The following ARHGAP32 variants were observed in gnomAD, a reference collection of about 807,000 sequenced individuals.
The protein encoded by ARHGAP32 is rho GTPase-activating protein 32.
In ARHGAP32, 51 loss-of-function variants were observed where a neutral mutation model predicts 186.5. That is an observed-to-expected ratio of 0.27 (90% confidence interval 0.22 to 0.35). The LOEUF (loss-of-function observed/expected upper bound fraction) is 0.35. ARHGAP32 is among the 10% of genes least tolerant of loss of function. ARHGAP32 has a pLI of 1.00. For missense variants in ARHGAP32, 2,186 were observed against 2,623.5 expected (o/e 0.83, Z 3.64); for synonymous variants, 950 against 964.3 (o/e 0.99, Z 0.27).
chr11:128,977,216 G>GT (rs1339603858), intron 19 of ARHGAP32, among the ~76,000 whole-genome samples: 1 of 152,140 alleles, frequency 6.6e-6, no homozygotes, highest in Non-Finnish European at 1.5e-5. Context: ...AAATTCTGTT[G>GT]TTTTTTACCA....
At chr11:129,236,612 ACT>A (rs1269495403) in intron 1 of ARHGAP32, among the ~76,000 whole-genome samples, 1 of 151,910 alleles carries the variant, frequency 6.6e-6, no homozygotes, top group Non-Finnish European at 1.5e-5. Context: ...GCATCCTGAA[ACT>A]CTGCTGAATT....
intron 5 of ARHGAP32, among the ~76,000 whole-genome samples, chr11:129,110,106 G>T (rs1159357055): frequency 6.6e-6 from 1 of 152,044 alleles, no homozygotes; most frequent in East Asian, 1.9e-4. Flanking sequence ...TCCATCTTGG[G>T]TTGATTGTTT....
intron 6 of ARHGAP32, among the ~76,000 whole-genome samples, chr11:129,067,843 A>G (rs1940745864): frequency 6.6e-6 from 1 of 152,030 alleles, no homozygotes; most frequent in African/African-American, 2.4e-5. Flanking sequence ...GAGGGTGCTG[A>G]TTTCTAATCA....
chr11:129,166,357 T>G lies in ARHGAP32; in HGVS notation c.117-1930A>C, dbSNP rs1943641328. Among the ~76,000 whole-genome samples, 5 of 152,076 alleles carry G rather than the reference T, an allele frequency of 3.3e-5. No individual in the cohort carries two copies. In the South Asian group the frequency reaches 1.0e-3, roughly 32 times the overall value. ...GACAAAAGCAATATTTGAAAACAAA[T>G]GCTAAAAGTTTTCAAAACTGATGAA... On this transcript the variant is annotated intron_variant, in intron 1 of 22. Transcript: ENST00000682385.
chr11:129,277,387 A>G (rs1297416526), intron 1 of ARHGAP32, among the ~76,000 whole-genome samples: 1 of 152,336 alleles, frequency 6.6e-6, no homozygotes, highest in East Asian at 1.9e-4. Context: ...GCTCTAAAGA[A>G]GACAGTTGAG....
chr11:129,206,472 T>C (rs1428778626), intron 1 of ARHGAP32, among the ~76,000 whole-genome samples: 1 of 152,170 alleles, frequency 6.6e-6, no homozygotes, highest in East Asian at 1.9e-4. Context: ...CTGGGTCTCC[T>C]AATCTGCTAG....
At chr11:129,173,715 A>C (rs1009729818) in intron 1 of ARHGAP32, among the ~76,000 whole-genome samples, 1 of 152,212 alleles carries the variant, frequency 6.6e-6, no homozygotes, top group Non-Finnish European at 1.5e-5. Context: ...AATAGGTGAA[A>C]TTTAATACCT....
At chr11:128,980,498 T>C in intron 18 of ARHGAP32, 55 bp downstream of exon 18, 3 of 1,376,672 alleles carry the variant, frequency 2.2e-6, no homozygotes, top group East Asian at 2.3e-5. Flanking sequence ...TAAAAGAAAA[T>C]AATAGGACAT....
intron 1 of ARHGAP32, among the ~76,000 whole-genome samples, chr11:129,209,405 G>C (rs1944552418): frequency 6.6e-6 from 1 of 151,588 alleles, no homozygotes. Flanking sequence ...AAGAAAAAAA[G>C]TAGGATTCTA....
At chr11:129,095,084 T>C (rs1941693957) in intron 5 of ARHGAP32, among the ~76,000 whole-genome samples, 1 of 152,204 alleles carries the variant, frequency 6.6e-6, no homozygotes, top group Admixed American at 6.5e-5. Flanking sequence ...AAGTACAAGT[T>C]GTTCACAAGA....
chr11:128,978,199 A>G (rs1352862319), intron 19 of ARHGAP32, among the ~76,000 whole-genome samples: 1 of 152,200 alleles, frequency 6.6e-6, no homozygotes, highest in African/African-American at 2.4e-5. Flanking sequence ...AATGAATTGA[A>G]CATTATACTT....
upstream of ARHGAP32, among the ~76,000 whole-genome samples, chr11:129,193,633 A>ATGTTATATAATAT (rs1491318466): frequency 1.6e-5 from 1 of 63,316 alleles, no homozygotes; most frequent in East Asian, 4.1e-4. Flanking sequence ...TAATATATAT[A>ATGTTATATAATAT]ATATATGTTA....
chr11:129,126,117 C>A, intron 2 of ARHGAP32: 6 of 244,150 alleles, frequency 2.5e-5, no homozygotes, highest in South Asian at 4.4e-5. Context: ...AATTTTAAGA[C>A]TAAAATAAAA....
chr11:129,000,209 C>G (rs1946317497), intron 11 of ARHGAP32, among the ~76,000 whole-genome samples: 1 of 151,848 alleles, frequency 6.6e-6, no homozygotes, highest in Admixed American at 6.6e-5. Context: ...CTTTATAGAT[C>G]AAGGAAAAAG....
At chr11:128,998,134 A>T (rs868136406) in intron 12 of ARHGAP32, among the ~76,000 whole-genome samples, 185 bp downstream of exon 12, 4 of 152,212 alleles carry the variant, frequency 2.6e-5, no homozygotes, top group Admixed American at 2.0e-4. Context: ...CTAATGCCAA[A>T]GTGCATTCTT....
chr11:129,150,801 A>C (rs778573113), intron 2 of ARHGAP32, among the ~76,000 whole-genome samples: 48 of 152,196 alleles, frequency 3.2e-4, no homozygotes, highest in Admixed American at 5.2e-4. Flanking sequence ...ATAAGACAAT[A>C]ACATAATGAA....
chr11:129,253,615 C>A (rs919575563), intron 1 of ARHGAP32, among the ~76,000 whole-genome samples: 3 of 152,078 alleles, frequency 2.0e-5, no homozygotes, highest in South Asian at 4.1e-4. Flanking sequence ...GAATAGAAAG[C>A]CTGAATCCTC....
rs1339550618 is a variant in ARHGAP32 at position 128,973,440 on chromosome 11, G to A, written c.3074-8C>T. ...GGTCATGGGTAACTGCTCCTAGTGG[G>A]AAATTGGGAAAAAAAATGAGAGTGA... is the stretch of plus-strand genomic sequence containing the variant. On this transcript the variant is annotated splice_region_variant and splice_polypyrimidine_tract_variant and intron_variant, in intron 21 of 22. Transcript: ENST00000682385. 3 of 1,607,918 alleles carry A rather than the reference G, an allele frequency of 1.9e-6. No individual in the cohort carries two copies. The highest frequency in any genetic ancestry group is 2.7e-5 in the African/African-American group (2 of 74,618).
chr11:129,171,199 C>T (rs1021146601), intron 1 of ARHGAP32, among the ~76,000 whole-genome samples: 4 of 152,138 alleles, frequency 2.6e-5, no homozygotes, highest in Non-Finnish European at 4.4e-5. Context: ...TCAATTTTGG[C>T]TCTTATTGCA....
Sources: gnomAD v4.1 joint callset for allele counts (sites outside exome capture counted in the v4.1 genomes callset) on GRCh38, gnomAD v4.1.1 for gene constraint, MANE v1.5 for transcripts, NCBI Gene and HGNC (gene_info 2026-07-23, HGNC 2026-07-21) for gene names.